FAM133B: variants seen among roughly 807,000 people sequenced by gnomAD.
FAM133B encodes family with sequence similarity 133 member B.
A neutral mutation model predicts 46.4 loss-of-function variants in FAM133B; 25 were observed. The ratio of observed to expected loss-of-function variants is 0.54; its 90% CI spans 0.39 to 0.75. FAM133B has a LOEUF of 0.75. Ranked by LOEUF, FAM133B falls within the 30% of genes least tolerant of loss-of-function variation. The pLI is 0.00. For synonymous variants in FAM133B, 75 were observed against 86.0 expected, an observed-to-expected ratio of 0.87 and a Z score of 0.71; for missense variants, 205 against 277.6, an observed-to-expected ratio of 0.74 and a Z score of 1.86.
Position 92,577,073 on chromosome 7 carries a change from T to C in FAM133B, c.465+30A>G, listed in dbSNP as rs961439461. The stretch of plus-strand genomic sequence containing the variant: ...AAAAACTTAATTAAATGTCTTTGTA[T>C]CCAATATATTAATAATTTAAATAAT... On this transcript the variant is annotated intron_variant, in intron 7 of 10. Transcript: ENST00000445716. 5 of 1,287,704 alleles carry C rather than the reference T, an allele frequency of 3.9e-6. No homozygotes were observed. In the African/African-American group the frequency reaches 7.7e-5, roughly 20 times the overall value. 79.8% of individuals were successfully genotyped at this position (1,287,704 alleles called of 1,614,324 possible).
chr7:92,581,794 T>TTGTG lies in FAM133B; in HGVS notation c.25-195_25-192dup, dbSNP rs10578440. On this transcript the variant is annotated intron_variant, in intron 1 of 10. Coordinates refer to ENST00000445716, the MANE Select transcript of FAM133B (RefSeq NM_152789.4). Reference sequence around the variant, plus strand: ...TAAGTCTTAAAAGTTTGGGAGAAAATTGTGTGTGTGTGTGTGTGTGTGTGT... The same window carrying TTGTG: ...TAAGTCTTAAAAGTTTGGGAGAAAATTGTGTGTGTGTGTGTGTGTGTGTGTGTGT... 5.4e-4 allele frequency: 171 copies of TTGTG among 316,410 alleles called. 1 individual carries two copies. The highest frequency in any genetic ancestry group is 2.2e-3 in the Admixed American group (51 of 23,000). 19.6% of individuals were successfully genotyped at this position (316,410 alleles called of 1,614,324 possible).
chr7:92,563,486 T>C (rs1191697194), intron 10 of FAM133B, among the ~76,000 whole-genome samples: 1 of 152,230 alleles, frequency 6.6e-6, no homozygotes, highest in East Asian at 1.9e-4. Context: ...GACCTCTTCA[T>C]TTCCTTTGCT....
At chr7:92,587,047 C>T (rs116801375) in intron 1 of FAM133B, among the ~76,000 whole-genome samples, 3 of 152,018 alleles carry the variant, frequency 2.0e-5, no homozygotes, top group Non-Finnish European at 2.9e-5. Context: ...CTGGTGCTGG[C>T]GAATGTTGAT....
chr7:92,581,416 T>C, intron 2 of FAM133B, 90 bp downstream of exon 2: 1 of 1,072,498 alleles, frequency 9.3e-7, no homozygotes. Context: ...TGGCAATTGC[T>C]TGGTAATCAA....
intron 1 of FAM133B, among the ~76,000 whole-genome samples, chr7:92,588,983 A>C (rs1361579330): frequency 1.3e-5 from 2 of 152,166 alleles, no homozygotes; most frequent in African/African-American, 2.4e-5. Context: ...TAAATTACCC[A>C]GCCTCAGGTT....
intron 8 of FAM133B, among the ~76,000 whole-genome samples, chr7:92,572,652 G>A (rs1038712530): frequency 2.6e-5 from 4 of 152,194 alleles, no homozygotes; most frequent in Non-Finnish European, 5.9e-5. Context: ...CCGGGAAGTG[G>A]AGGTTGCAGT....
chr7:92,578,498 T>C, intron 3 of FAM133B, 105 bp from the exon 4 acceptor site: 1 of 952,722 alleles, frequency 1.0e-6, no homozygotes, highest in Non-Finnish European at 1.6e-6. Flanking sequence ...TTAATACCTC[T>C]CACCCATTTC....
chr7:92,562,980 G>T (rs1045343980), intron 10 of FAM133B, among the ~76,000 whole-genome samples: 1 of 152,140 alleles, frequency 6.6e-6, no homozygotes, highest in Non-Finnish European at 1.5e-5. Context: ...ACTAATGCCC[G>T]GTAGAAGTAG....
chr7:92,563,031 A>G (rs1794206933), intron 10 of FAM133B, among the ~76,000 whole-genome samples: 1 of 152,216 alleles, frequency 6.6e-6, no homozygotes, highest in Admixed American at 6.5e-5. Flanking sequence ...AGTTTTGCTG[A>G]AGTCTGACTC....
At chr7:92,589,057 T>C (rs1475585100) in intron 1 of FAM133B, among the ~76,000 whole-genome samples, 1 of 152,246 alleles carries the variant, frequency 6.6e-6, no homozygotes, top group Non-Finnish European at 1.5e-5. Context: ...ATTTCGTAAA[T>C]GTTAAGTCTC....
At position 92,590,254 on chromosome 7, in the gene FAM133B, G is replaced by T. The variant is rs377271275; in HGVS notation, c.24+14C>A. On this transcript the variant is annotated intron_variant, in intron 1 of 10. Transcript: ENST00000445716. ...CCCTGCGTCGCCCCACTGTTTTCCC[G>T]GCTGAGTACTCACCACCCGATTGTC... 1 of 1,613,630 alleles carries T rather than the reference G, an allele frequency of 6.2e-7. No homozygotes were observed.
intron 1 of FAM133B, among the ~76,000 whole-genome samples, chr7:92,584,047 C>CA (rs765172200): frequency 0.24 from 8,939 of 36,544 alleles, 1,606 homozygotes; most frequent in East Asian, 0.47. Flanking sequence ...AAGACTGTCT[C>CA]AAAAAAAAAA....
chr7:92,583,003 G>A (rs1319592438), intron 1 of FAM133B, among the ~76,000 whole-genome samples: 6 of 152,124 alleles, frequency 3.9e-5, no homozygotes, highest in African/African-American at 1.4e-4. Context: ...TCAAAGAAGG[G>A]ACTAAACAGA....
intron 8 of FAM133B, among the ~76,000 whole-genome samples, chr7:92,574,081 T>C (rs1038325292): frequency 6.6e-6 from 1 of 152,154 alleles, no homozygotes; most frequent in Non-Finnish European, 1.5e-5. Context: ...CCTAGGCATA[T>C]ACCCAAGAGA....
chr7:92,566,073 A>C lies in FAM133B; in HGVS notation c.610-12T>G, dbSNP rs369266600. The C allele has an allele frequency of 2.9e-5, 46 of 1,613,054 alleles. No homozygotes were observed. The highest frequency in any genetic ancestry group is 3.8e-5 in the Non-Finnish European group (45 of 1,179,770). ...TTTTTTGCTCGCACCTAGAAAGTTT[A>C]AATTTTTGTGGAGAACAGAAGACAA... is the stretch of plus-strand genomic sequence containing the variant. On this transcript the variant is annotated splice_polypyrimidine_tract_variant and intron_variant, in intron 9 of 10. Transcript: ENST00000445716.
At chr7:92,579,263 G>A in intron 3 of FAM133B, 54 bp downstream of exon 3, 2 of 1,471,308 alleles carry the variant, frequency 1.4e-6, no homozygotes, top group Non-Finnish European at 1.9e-6. Flanking sequence ...ATAGGTATGA[G>A]CCACCATAAC....
chr7:92,590,185 G>A, intron 1 of FAM133B, 83 bp downstream of exon 1: 1 of 1,607,268 alleles, frequency 6.2e-7, no homozygotes, highest in Non-Finnish European at 8.5e-7. Context: ...TTGCCCTCCG[G>A]CCCGGCCGGG....
intron 1 of FAM133B, among the ~76,000 whole-genome samples, chr7:92,584,515 A>C (rs1794984067): frequency 6.6e-6 from 1 of 152,226 alleles, no homozygotes; most frequent in Non-Finnish European, 1.5e-5. Context: ...CTTGGAATGA[A>C]AAAGATAAAT....
At chr7:92,576,728 G>A (rs1329143200) in intron 7 of FAM133B, among the ~76,000 whole-genome samples, 1 of 152,204 alleles carries the variant, frequency 6.6e-6, no homozygotes, top group Non-Finnish European at 1.5e-5. Flanking sequence ...GGTTAGTACA[G>A]AACAAATTTA....
Sources: allele counts gnomAD v4.1 joint callset (sites outside exome capture counted in the v4.1 genomes callset), GRCh38; gene constraint gnomAD v4.1.1; transcripts MANE v1.5; gene names NCBI Gene and HGNC (gene_info 2026-07-23, HGNC 2026-07-21).